Variants in LRRC4C observed in about 807,000 individuals in gnomAD.
LRRC4C encodes leucine rich repeat containing 4C.
Under a neutral mutation model 33.6 loss-of-function variants are expected in LRRC4C, and 5 were observed. The ratio of observed to expected loss-of-function variants is 0.15; its 90% CI spans 0.08 to 0.31. The LOEUF is 0.31. LRRC4C is among the 10% of genes least tolerant of loss of function. The pLI is 1.00. For missense variants in LRRC4C, 560 were observed against 796.7 expected, an observed-to-expected ratio of 0.70 and a Z score of 3.58; for synonymous variants, 329 against 302.0, an observed-to-expected ratio of 1.09 and a Z score of -0.93.
intron 3 of LRRC4C, among the ~76,000 whole-genome samples, chr11:40,429,027 T>C (rs2137825977): frequency 6.6e-6 from 1 of 152,326 alleles, no homozygotes; most frequent in Non-Finnish European, 1.5e-5. Flanking sequence ...TTTCATAAAA[T>C]TAAAGATTAT....
intron 2 of LRRC4C, among the ~76,000 whole-genome samples, chr11:40,842,820 T>G (rs1952971572): frequency 6.6e-6 from 1 of 152,132 alleles, no homozygotes; most frequent in African/African-American, 2.4e-5. Flanking sequence ...TTGTCAGAAA[T>G]CCACCATCTT....
At chr11:41,419,302 A>G (rs1180061373) in intron 1 of LRRC4C, among the ~76,000 whole-genome samples, 1 of 151,948 alleles carries the variant, frequency 6.6e-6, no homozygotes, top group East Asian at 1.9e-4. Flanking sequence ...AGTCATAGGT[A>G]TCAAATCCAC....
rs555637028 is a variant in LRRC4C at position 40,446,834 on chromosome 11, T to A, written c.-269-127113A>T. On this transcript the variant is annotated intron_variant, in intron 3 of 6. Transcript: ENST00000528697. ...CTCACTTACTATCACAAGAACAGCATGGGAAAAACCACCCCCATGATTCAA... is the reference window on the plus strand; with the variant it reads ...CTCACTTACTATCACAAGAACAGCAAGGGAAAAACCACCCCCATGATTCAA... 7 of 152,040 alleles carry A rather than the reference T, an allele frequency of 4.6e-5. No individual in the cohort carries two copies. The East Asian group carries it at 1.4e-3, about 29-fold the overall frequency. 9.4% of individuals were successfully genotyped at this position (152,040 alleles called of 1,614,324 possible).
intron 1 of LRRC4C, among the ~76,000 whole-genome samples, chr11:41,263,348 AAC>A (rs1949044477): frequency 6.6e-6 from 1 of 152,108 alleles, no homozygotes; most frequent in Admixed American, 6.5e-5. Flanking sequence ...TACTATTAAG[AAC>A]AGTCTAAAAA....
chr11:41,142,865 C>T (rs757727729), intron 1 of LRRC4C, among the ~76,000 whole-genome samples: 2 of 152,084 alleles, frequency 1.3e-5, no homozygotes, highest in African/African-American at 2.4e-5. Context: ...TATAGCTTAA[C>T]AAAAACAAGT....
chr11:40,903,915 AT>A (rs1956310380), intron 2 of LRRC4C, among the ~76,000 whole-genome samples: 1 of 152,030 alleles, frequency 6.6e-6, no homozygotes, highest in Non-Finnish European at 1.5e-5. Flanking sequence ...ATATATATAT[AT>A]ATACCTAAAA....
intron 2 of LRRC4C, among the ~76,000 whole-genome samples, chr11:40,781,309 G>A (rs1371236602): frequency 2.0e-5 from 3 of 151,894 alleles, no homozygotes; most frequent in African/African-American, 7.3e-5. Context: ...GCATATGTGT[G>A]TGTACATACA....
intron 3 of LRRC4C, among the ~76,000 whole-genome samples, chr11:40,394,984 T>G (rs1480181302): frequency 6.6e-6 from 1 of 152,100 alleles, no homozygotes; most frequent in Non-Finnish European, 1.5e-5. Flanking sequence ...ACTGAATTAT[T>G]TTTTCCTGTC....
intron 1 of LRRC4C, among the ~76,000 whole-genome samples, chr11:41,382,924 A>G (rs916331557): frequency 1.3e-5 from 2 of 152,102 alleles, no homozygotes; most frequent in Non-Finnish European, 2.9e-5. Flanking sequence ...TATTCAGCAG[A>G]TTTGGTGAAA....
At chr11:40,956,884 A>G (rs1457484814) in intron 1 of LRRC4C, among the ~76,000 whole-genome samples, 2 of 151,770 alleles carry the variant, frequency 1.3e-5, no homozygotes, top group Non-Finnish European at 2.9e-5. Context: ...AAACAAAAAA[A>G]AGAAGAGTTT....
chr11:41,182,680 A>G (rs988240881), intron 1 of LRRC4C, among the ~76,000 whole-genome samples: 2 of 152,118 alleles, frequency 1.3e-5, no homozygotes, highest in African/African-American at 2.4e-5. Context: ...GTTATTTTTA[A>G]TACCTCAAAA....
At chr11:41,072,622 A>G (rs1418178375) in intron 1 of LRRC4C, among the ~76,000 whole-genome samples, 1 of 152,096 alleles carries the variant, frequency 6.6e-6, no homozygotes, top group Non-Finnish European at 1.5e-5. Context: ...GTGGAGCTGT[A>G]AGTCAATGAG....
chr11:40,305,971 A>C (rs931394021), intron 4 of LRRC4C, among the ~76,000 whole-genome samples: 2 of 152,318 alleles, frequency 1.3e-5, no homozygotes, highest in Non-Finnish European at 2.9e-5. Flanking sequence ...TGGTTACTTG[A>C]CCAACGAGGT....
chr11:40,863,836 C>T (rs1954221056), intron 2 of LRRC4C, among the ~76,000 whole-genome samples: 1 of 151,996 alleles, frequency 6.6e-6, no homozygotes, highest in Non-Finnish European at 1.5e-5. Context: ...TTATAATTTG[C>T]TTTCCTTTTT....
rs557884789 is a variant in LRRC4C at position 41,266,185 on chromosome 11, A to G, written c.-496+193246T>C. 2.0e-5 allele frequency among the ~76,000 whole-genome samples: 3 copies of G among 152,230 alleles called. No homozygotes were observed. In the South Asian group the frequency reaches 6.2e-4, roughly 32 times the overall value. On this transcript the variant is annotated intron_variant, in intron 1 of 6. Transcript: ENST00000528697. Reference sequence around the variant, plus strand: ...ATGAAGAAATAAATGATATAAATAGACTTAGAACATGGAAATTTGATCAAA... The same window carrying G: ...ATGAAGAAATAAATGATATAAATAGGCTTAGAACATGGAAATTTGATCAAA...
At chr11:40,428,134 A>G (rs911569568) in intron 3 of LRRC4C, among the ~76,000 whole-genome samples, 1 of 152,004 alleles carries the variant, frequency 6.6e-6, no homozygotes, top group Admixed American at 6.5e-5. Flanking sequence ...GTCTGTACCC[A>G]GGAATAAAAT....
intron 1 of LRRC4C, among the ~76,000 whole-genome samples, chr11:41,284,711 G>A (rs562289576): frequency 8.5e-5 from 13 of 152,236 alleles, no homozygotes; most frequent in African/African-American, 2.9e-4. Context: ...GAACTTTCAG[G>A]TCAGCTCAGG....
chr11:40,271,657 C>T (rs1315489850), intron 4 of LRRC4C, among the ~76,000 whole-genome samples: 1 of 152,156 alleles, frequency 6.6e-6, no homozygotes, highest in Non-Finnish European at 1.5e-5. Context: ...ACTCCTGAAC[C>T]TTTCACTGGG....
chr11:41,370,186 T>C (rs1325187314), intron 1 of LRRC4C, among the ~76,000 whole-genome samples: 1 of 152,122 alleles, frequency 6.6e-6, no homozygotes, highest in Admixed American at 6.5e-5. Context: ...TTTCATTATT[T>C]ATTTTATTTT....
Sources: gnomAD v4.1 joint callset for allele counts (sites outside exome capture counted in the v4.1 genomes callset) on GRCh38, gnomAD v4.1.1 for gene constraint, MANE v1.5 for transcripts, NCBI Gene and HGNC (gene_info 2026-07-23, HGNC 2026-07-21) for gene names.